Variants in REG1B observed in about 807,000 individuals in gnomAD.
REG1B encodes the protein regenerating family member 1 beta.
REG1B carries 21 observed loss-of-function variants against 20.4 expected under a neutral mutation model. The ratio of observed to expected loss-of-function variants is 1.03; its 90% CI spans 0.73 to 1.48. The LOEUF (loss-of-function observed/expected upper bound fraction) is 1.48, where lower values mean the gene tolerates loss of function less well. Among genes scored for constraint, REG1B ranks in the 40% most tolerant of loss-of-function variants. The pLI, the probability that REG1B is intolerant of heterozygous loss-of-function variation, is 0.00. For synonymous variants in REG1B, 82 were observed against 73.4 expected (o/e 1.12, Z -0.60); for missense variants, 247 against 197.2 (o/e 1.25, Z -1.51).
At position 79,086,784 on chromosome 2, in the gene REG1B, C is replaced by T. The variant is rs1672406381; in HGVS notation, c.183+28G>A. ...CAGCTGCCTCTACCTTCATAAGCCT[C>T]CCTTCCCCTGCTGCTCTCCTCACTC... On this transcript the variant is annotated intron_variant, in intron 3 of 5. Coordinates refer to ENST00000305089, the MANE Select transcript of REG1B (RefSeq NM_006507.4). The T allele has an allele frequency of 2.5e-6, 4 of 1,598,286 alleles. No individual in the cohort carries two copies. The Admixed American group carries it at 5.0e-5, about 20-fold the overall frequency.
intron 4 of REG1B, chr2:79,086,055 T>C: frequency 2.7e-6 from 1 of 365,150 alleles, no homozygotes; most frequent in South Asian, 2.9e-5. Context: ...TTCTATATAG[T>C]CTACAGAGGG....
intron 2 of REG1B, 63 bp downstream of exon 2, chr2:79,087,486 T>C (rs1672416823): frequency 1.3e-6 from 2 of 1,536,496 alleles, no homozygotes; most frequent in East Asian, 2.3e-5. Flanking sequence ...GTGAACCTTA[T>C]ACATGAGGAT....
chr2:79,086,222 C>T, intron 4 of REG1B, 145 bp downstream of exon 4: 1 of 839,998 alleles, frequency 1.2e-6, no homozygotes, highest in Non-Finnish European at 1.8e-6. Flanking sequence ...AACTTCACAA[C>T]TCATACATTA....
chr2:79,085,806 C>G (rs972848556), intron 4 of REG1B: 4 of 413,036 alleles, frequency 9.7e-6, no homozygotes, highest in East Asian at 8.7e-5. Flanking sequence ...CCTCTTCCAG[C>G]AAATAATAAG....
chr2:79,086,690 G>T, intron 3 of REG1B, 122 bp downstream of exon 3: 2 of 1,304,534 alleles, frequency 1.5e-6, no homozygotes, highest in Non-Finnish European at 2.2e-6. Context: ...GGGAAGTTTG[G>T]GACCAGTGGT....
intron 4 of REG1B, 25 bp downstream of exon 4, chr2:79,086,342 G>A (rs560532966): frequency 3.8e-5 from 62 of 1,613,422 alleles, no homozygotes; most frequent in Admixed American, 1.0e-4. Flanking sequence ...TGTTTATAAG[G>A]AGATAGAGGT....
At chr2:79,085,784 C>G in intron 4 of REG1B, 181 bp from the exon 5 acceptor site, 2 of 443,774 alleles carry the variant, frequency 4.5e-6, no homozygotes, top group Non-Finnish European at 8.0e-6. Flanking sequence ...CTAGAATGTC[C>G]GAATTCCTCC....
At chr2:79,087,492 A>T in intron 2 of REG1B, 57 bp downstream of exon 2, 2 of 1,559,520 alleles carry the variant, frequency 1.3e-6, no homozygotes, top group Non-Finnish European at 1.8e-6. Context: ...CTTATACATG[A>T]GGATGGAGGG....
chr2:79,087,093 C>G, intron 2 of REG1B, 163 bp from the exon 3 acceptor site: 1 of 621,132 alleles, frequency 1.6e-6, no homozygotes, highest in African/African-American at 1.8e-5. Flanking sequence ...TCTCTTTTCT[C>G]TCTAGTTTCC....
rs1672379180 is a variant in REG1B at position 79,085,205 on chromosome 2, T to A, written c.*11A>T. Reference sequence around the variant, plus strand: ...CAGGACCAGTTCTAGACATCCATTTTTCAGCTTCCTCTAGTTTTTGAACTT... The same window carrying A: ...CAGGACCAGTTCTAGACATCCATTTATCAGCTTCCTCTAGTTTTTGAACTT... On this transcript the variant is annotated 3_prime_UTR_variant, in exon 6 of 6. Transcript: ENST00000305089. 1.2e-6 allele frequency: 2 copies of A among 1,605,646 alleles called. No individual in the cohort carries two copies. Among genetic ancestry groups the A allele is most frequent in the Non-Finnish European group, 1.7e-6 (2 of 1,172,302 alleles).
At chr2:79,087,006 T>C (rs1180965397) in intron 2 of REG1B, 76 bp from the exon 3 acceptor site, 63 of 1,196,338 alleles carry the variant, frequency 5.3e-5, no homozygotes, top group Non-Finnish European at 7.7e-5. Flanking sequence ...ATTAGGGGCT[T>C]CTTGGTGTCC....
At chr2:79,085,846 A>C (rs1573184937) in intron 4 of REG1B, 3 of 349,038 alleles carry the variant, frequency 8.6e-6, no homozygotes, top group East Asian at 5.7e-5. Context: ...AGACCCATAA[A>C]AGCCCATTAA....
At chr2:79,086,966 T>C in intron 2 of REG1B, 36 bp from the exon 3 acceptor site, 2 of 1,564,116 alleles carry the variant, frequency 1.3e-6, no homozygotes, top group Non-Finnish European at 1.8e-6. Flanking sequence ...TAAGAAAGAA[T>C]CGCAGGGCAA....
At chr2:79,087,078 T>G (rs1387922729) in intron 2 of REG1B, 148 bp from the exon 3 acceptor site, 1 of 655,778 alleles carries the variant, frequency 1.5e-6, no homozygotes, top group African/African-American at 1.8e-5. Flanking sequence ...CCCTCCTGCA[T>G]CCTATCTCTT....
chr2:79,085,563 T>C lies in REG1B; in HGVS notation c.362A>G (p.Tyr121Cys). ...CGGGGATCCAGTGTCCCAGGACTTG[T>C]AGGAGACCAGGGACCCACTACTCCA... ...WHWSSGSLVS[Y>C]KSWDTGSPSS... The change falls in exon 5 of 6, where the codon TAC becomes TGC. Residue 121 changes from tyrosine to cysteine, a missense_variant. Tyr to Cys is a radical substitution (Grantham distance 194). Transcript: ENST00000305089. The C allele has an allele frequency of 1.2e-6, 2 of 1,613,692 alleles. No homozygotes were observed. The highest frequency in any genetic ancestry group is 1.7e-6 in the Non-Finnish European group (2 of 1,179,838).
chr2:79,085,236 C>T lies in REG1B; in HGVS notation c.481G>A (p.Val161Ile). ...TTCCTCTAGTTTTTGAACTTGCAAA[C>T]AAAGGAGAACTTCTTCTCACAAGAT... ...DESCEKKFSF[V>I]CKFKN is the part of the protein sequence containing the mutation. The change falls in exon 6 of 6, where the codon GTT becomes ATT. Residue 161 changes from valine (V) to isoleucine (I), a missense_variant. Transcript: ENST00000305089. 1 of 1,613,414 alleles carries T rather than the reference C, an allele frequency of 6.2e-7. No homozygotes were observed. The highest frequency in any genetic ancestry group is 1.3e-5 in the African/African-American group (1 of 75,014).
chr2:79,087,325 C>A, intron 2 of REG1B: 1 of 575,406 alleles, frequency 1.7e-6, no homozygotes, highest in Non-Finnish European at 3.1e-6. Flanking sequence ...ATCAGATAAA[C>A]TCAACCACAA....
chr2:79,085,143 A>T lies in REG1B; in HGVS notation c.*73T>A. The T allele has an allele frequency of 9.4e-7, 1 of 1,059,374 alleles. No homozygotes were observed. Among genetic ancestry groups the T allele is most frequent in the Non-Finnish European group, 1.5e-6 (1 of 678,628 alleles). 65.6% of individuals were successfully genotyped at this position (1,059,374 alleles called of 1,614,324 possible). ...GGAGATGGTCTGAACTGAGTTGGAG[A>T]CATAGTCTAGTTTAATTTTTGACTT... On this transcript the variant is annotated 3_prime_UTR_variant, in exon 6 of 6. Coordinates refer to ENST00000305089, the MANE Select transcript of REG1B (RefSeq NM_006507.4).
chr2:79,086,294 G>A (rs559285990), intron 4 of REG1B, 73 bp downstream of exon 4: 46 of 1,482,352 alleles, frequency 3.1e-5, no homozygotes, highest in Admixed American at 9.3e-5. Context: ...TGGTGATTGC[G>A]GTGCCAGACC....
Sources: gnomAD v4.1 joint callset for allele counts on GRCh38, gnomAD v4.1.1 for gene constraint, MANE v1.5 for transcripts, NCBI Gene and HGNC (gene_info 2026-07-23, HGNC 2026-07-21) for gene names.